Variants in NELL1 observed in about 807,000 individuals in gnomAD.
NELL1 encodes the protein protein kinase C-binding protein NELL1.
In NELL1, 76 loss-of-function variants were observed where a neutral mutation model predicts 107.4. The ratio of observed to expected loss-of-function variants is 0.71; its 90% CI spans 0.59 to 0.86. The LOEUF (loss-of-function observed/expected upper bound fraction) is 0.86. Ranked by LOEUF, NELL1 falls within the 40% of genes least tolerant of loss-of-function variation. The pLI, the probability that NELL1 is intolerant of heterozygous loss-of-function variation, is 0.00. For missense variants in NELL1, 1,024 were observed against 1,005.5 expected, an observed-to-expected ratio of 1.02 and a Z score of -0.25; for synonymous variants, 353 against 341.2, an observed-to-expected ratio of 1.03 and a Z score of -0.38.
At chr11:20,896,734 G>A (rs1286563878) in intron 5 of NELL1, among the ~76,000 whole-genome samples, 3 of 152,152 alleles carry the variant, frequency 2.0e-5, no homozygotes, top group African/African-American at 2.4e-5. Flanking sequence ...CAAAATCAGT[G>A]TGCAGAAATC....
intron 13 of NELL1, among the ~76,000 whole-genome samples, chr11:21,131,933 C>T (rs1012032449): frequency 2.0e-5 from 3 of 152,186 alleles, no homozygotes; most frequent in Admixed American, 1.3e-4. Flanking sequence ...TTCCTTTGCA[C>T]ATCAGGAGAT....
At chr11:21,533,452 C>A (rs1201578569) in intron 15 of NELL1, among the ~76,000 whole-genome samples, 1 of 152,162 alleles carries the variant, frequency 6.6e-6, no homozygotes, top group African/African-American at 2.4e-5. Context: ...TCCCAGGCAG[C>A]AGTAGCTACA....
chr11:21,263,761 C>T (rs1848581425), intron 14 of NELL1, among the ~76,000 whole-genome samples: 2 of 151,892 alleles, frequency 1.3e-5, no homozygotes, highest in East Asian at 3.9e-4. Context: ...CAAATTGTTT[C>T]TTGGCTTTTC....
chr11:20,799,531 T>C (rs1857239932), intron 3 of NELL1, among the ~76,000 whole-genome samples: 1 of 152,234 alleles, frequency 6.6e-6, no homozygotes, highest in Non-Finnish European at 1.5e-5. Context: ...GACATTTTAG[T>C]TCTCCTTTCC....
chr11:21,469,815 T>C (rs1269040966), intron 15 of NELL1, among the ~76,000 whole-genome samples: 2 of 152,222 alleles, frequency 1.3e-5, no homozygotes, highest in East Asian at 3.9e-4. Context: ...TGTAGTATCT[T>C]GAATCCACAA....
intron 12 of NELL1, among the ~76,000 whole-genome samples, chr11:21,067,104 C>G (rs1853893950): frequency 6.6e-6 from 1 of 151,956 alleles, no homozygotes; most frequent in Admixed American, 6.6e-5. Flanking sequence ...TTCTTTTTAC[C>G]TTTTCTCCCT....
At chr11:21,402,299 A>G (rs1852116661) in intron 15 of NELL1, among the ~76,000 whole-genome samples, 1 of 151,804 alleles carries the variant, frequency 6.6e-6, no homozygotes, top group South Asian at 2.1e-4. Context: ...ACTCTTCTCA[A>G]CTTGGGAAAG....
chr11:21,129,242 A>G (rs913769892), intron 13 of NELL1, among the ~76,000 whole-genome samples: 3 of 152,180 alleles, frequency 2.0e-5, no homozygotes, highest in Non-Finnish European at 2.9e-5. Flanking sequence ...GAAACAGAAA[A>G]TAACAGGTAT....
At chr11:21,309,256 A>C (rs1849674016) in intron 14 of NELL1, among the ~76,000 whole-genome samples, 1 of 49,198 alleles carries the variant, frequency 2.0e-5, no homozygotes, top group Non-Finnish European at 4.1e-5. Flanking sequence ...CTAAATATAT[A>C]TATGTATATA....
At chr11:21,435,469 G>A (rs1483566636) in intron 15 of NELL1, among the ~76,000 whole-genome samples, 2 of 146,904 alleles carry the variant, frequency 1.4e-5, no homozygotes, top group African/African-American at 5.0e-5. Flanking sequence ...ATGAAGAGAT[G>A]TTAGCTTTTA....
intron 10 of NELL1, among the ~76,000 whole-genome samples, chr11:20,946,023 G>A (rs1850955150): frequency 6.6e-6 from 1 of 152,140 alleles, no homozygotes. Context: ...AGAAAGGAGA[G>A]GAAGCCATGG....
intron 12 of NELL1, among the ~76,000 whole-genome samples, chr11:21,059,336 A>G (rs1280247785): frequency 1.3e-5 from 2 of 150,724 alleles, no homozygotes; most frequent in Non-Finnish European, 2.9e-5. Context: ...CTCAGTGAAC[A>G]TTTGCTGCCT....
chr11:20,838,259 G>A (rs930967319), intron 3 of NELL1, among the ~76,000 whole-genome samples: 1 of 149,958 alleles, frequency 6.7e-6, no homozygotes, highest in Non-Finnish European at 1.5e-5. Flanking sequence ...AAACCGTCAA[G>A]GTCATAAAAA....
intron 3 of NELL1, among the ~76,000 whole-genome samples, chr11:20,828,180 G>C (rs1407697774): frequency 6.6e-6 from 1 of 151,244 alleles, no homozygotes; most frequent in Non-Finnish European, 1.5e-5. Context: ...AATCATATCT[G>C]CCCAATGGGC....
intron 2 of NELL1, among the ~76,000 whole-genome samples, chr11:20,760,941 G>A (rs1258882395): frequency 3.3e-5 from 5 of 152,110 alleles, no homozygotes; most frequent in South Asian, 2.1e-4. Flanking sequence ...CTCTAAATGC[G>A]CAGCTTCTCA....
chr11:21,264,971 G>A (rs1009932878), intron 14 of NELL1, among the ~76,000 whole-genome samples: 2 of 151,948 alleles, frequency 1.3e-5, no homozygotes, highest in African/African-American at 4.8e-5. Context: ...TAGGGAGAAA[G>A]ATAATTTAGA....
chr11:21,451,161 T>G (rs1367432705), intron 15 of NELL1, among the ~76,000 whole-genome samples: 1 of 126,096 alleles, frequency 7.9e-6, no homozygotes, highest in Admixed American at 1.1e-4. Flanking sequence ...CACTCCAGCC[T>G]GGGCGACAGA....
chr11:21,144,419 T>TG, intron 13 of NELL1, among the ~76,000 whole-genome samples: 1 of 152,202 alleles, frequency 6.6e-6, no homozygotes, highest in African/African-American at 2.4e-5. Context: ...GTTTTTGTGT[T>TG]GGAGGCTAAA....
At chr11:21,174,534 T>C (rs969556160) in intron 13 of NELL1, among the ~76,000 whole-genome samples, 2 of 151,676 alleles carry the variant, frequency 1.3e-5, no homozygotes, top group Non-Finnish European at 2.9e-5. Flanking sequence ...ATATCCTCTA[T>C]CTTGAACAGT....
Sources: gnomAD v4.1 joint callset for allele counts (sites outside exome capture counted in the v4.1 genomes callset) on GRCh38, gnomAD v4.1.1 for gene constraint, MANE v1.5 for transcripts, NCBI Gene and HGNC (gene_info 2026-07-23, HGNC 2026-07-21) for gene names.